NEK5: variants seen among roughly 807,000 people sequenced by gnomAD.
NEK5 encodes the protein NIMA related kinase 5.
A neutral mutation model predicts 109.2 loss-of-function variants in NEK5; 88 were observed. That is an observed-to-expected ratio of 0.81 (90% confidence interval 0.68 to 0.96). The LOEUF is 0.96. NEK5 is among the 40% of genes least tolerant of loss of function. The pLI is 0.00. For missense variants in NEK5, 834 were observed against 920.7 expected, an observed-to-expected ratio of 0.91 and a Z score of 1.22; for synonymous variants, 283 against 299.9, an observed-to-expected ratio of 0.94 and a Z score of 0.58.
intron 4 of NEK5, among the ~76,000 whole-genome samples, chr13:52,113,064 G>A (rs1955786495): frequency 6.6e-6 from 1 of 152,176 alleles, no homozygotes. Context: ...AATGAAAGGT[G>A]ATTATTTTCC....
At chr13:52,064,509 C>T (rs1954655654) in intron 21 of NEK5, among the ~76,000 whole-genome samples, 1 of 149,056 alleles carries the variant, frequency 6.7e-6, no homozygotes, top group African/African-American at 2.5e-5. Flanking sequence ...GGGGGGTCAG[C>T]CCCCCGCCTG....
chr13:52,111,910 A>G (rs560900013), intron 5 of NEK5, among the ~76,000 whole-genome samples: 3 of 152,324 alleles, frequency 2.0e-5, no homozygotes, highest in South Asian at 2.1e-4. Flanking sequence ...CAAATGGTAA[A>G]AGAGAAAACA....
At chr13:52,069,718 G>A (rs1954755197) in intron 20 of NEK5, among the ~76,000 whole-genome samples, 2 of 152,144 alleles carry the variant, frequency 1.3e-5, no homozygotes, top group African/African-American at 4.8e-5. Flanking sequence ...CCCACACTCA[G>A]TATCTATTCT....
At chr13:52,065,654 G>A in intron 20 of NEK5, 45 bp from the exon 21 acceptor site, 1 of 1,390,514 alleles carries the variant, frequency 7.2e-7, no homozygotes, top group Non-Finnish European at 1.0e-6. Context: ...CAGTCAAAGT[G>A]TGACTAATTG....
At chr13:52,086,130 G>A in intron 16 of NEK5, 147 bp downstream of exon 16, 1 of 661,402 alleles carries the variant, frequency 1.5e-6, no homozygotes, top group Non-Finnish European at 2.7e-6. Flanking sequence ...AGGTCTGACA[G>A]CTTTCCTATT....
chr13:52,047,385 T>C (rs1207366248), intron 23 of NEK5, among the ~76,000 whole-genome samples: 2 of 152,226 alleles, frequency 1.3e-5, no homozygotes, highest in Non-Finnish European at 2.9e-5. Flanking sequence ...TGCTTATATT[T>C]GTATGGAATT....
intron 3 of NEK5, among the ~76,000 whole-genome samples, chr13:52,121,895 T>C (rs553545605): frequency 3.3e-5 from 5 of 151,360 alleles, no homozygotes; most frequent in African/African-American, 4.8e-5. Context: ...TATCTGAAAA[T>C]AGAAAAAGAG....
intron 23 of NEK5, among the ~76,000 whole-genome samples, chr13:52,037,972 A>T (rs1954378522): frequency 6.6e-6 from 1 of 152,000 alleles, no homozygotes; most frequent in Non-Finnish European, 1.5e-5. Context: ...TCATAGAACC[A>T]GGAATTAAAA....
chr13:52,046,349 T>C lies in NEK5; in HGVS notation c.2228+3755A>G, dbSNP rs186641931. Reference sequence around the variant, plus strand: ...AAAAATAGCTGGGCATGGTGGTGCATGCCTATACTCCCAGCCACTCAGGAG... The same window carrying C: ...AAAAATAGCTGGGCATGGTGGTGCACGCCTATACTCCCAGCCACTCAGGAG... On this transcript the variant is annotated intron_variant, in intron 23 of 23. Transcript: ENST00000684899. Among the ~76,000 whole-genome samples, 119 of 148,708 alleles carry C rather than the reference T, an allele frequency of 8.0e-4. 1 individual carries two copies. The East Asian group carries it at 0.02, about 25-fold the overall frequency.
chr13:52,043,996 G>A (rs868483662), intron 23 of NEK5, among the ~76,000 whole-genome samples: 13 of 152,188 alleles, frequency 8.5e-5, no homozygotes, highest in African/African-American at 2.9e-4. Flanking sequence ...ATTAACATTT[G>A]AGTCAGTGGG....
At chr13:52,056,419 A>G (rs1024377682) in intron 22 of NEK5, among the ~76,000 whole-genome samples, 2 of 151,346 alleles carry the variant, frequency 1.3e-5, no homozygotes, top group African/African-American at 2.4e-5. Context: ...ATACCCAGGA[A>G]TTGAACTCAG....
At chr13:52,076,931 G>C (rs1954880524) in intron 17 of NEK5, among the ~76,000 whole-genome samples, 1 of 152,202 alleles carries the variant, frequency 6.6e-6, no homozygotes, top group South Asian at 2.1e-4. Flanking sequence ...GAGTAGGATA[G>C]GTAATAAATG....
At chr13:52,056,104 T>C (rs982048908) in intron 22 of NEK5, among the ~76,000 whole-genome samples, 1 of 151,988 alleles carries the variant, frequency 6.6e-6, no homozygotes, top group Non-Finnish European at 1.5e-5. Flanking sequence ...TGGAGGAAGA[T>C]CTACCAAGCA....
chr13:52,083,825 C>T lies in NEK5; in HGVS notation c.1480-473G>A, dbSNP rs558298985. On this transcript the variant is annotated intron_variant, in intron 16 of 23. Transcript: ENST00000684899. Reference sequence around the variant, plus strand: ...TGCTGGGATTACAGGCGTGAGCTACCGCGCCTGACCAATGTCTGCTATCCA... The same window carrying T: ...TGCTGGGATTACAGGCGTGAGCTACTGCGCCTGACCAATGTCTGCTATCCA... Among the ~76,000 whole-genome samples, 7 of 152,266 alleles carry T rather than the reference C, an allele frequency of 4.6e-5. 1 individual carries two copies. In the South Asian group the frequency reaches 6.2e-4, roughly 14 times the overall value.
intron 22 of NEK5, among the ~76,000 whole-genome samples, chr13:52,060,585 A>G (rs1303356088): frequency 6.6e-6 from 1 of 152,144 alleles, no homozygotes; most frequent in East Asian, 1.9e-4. Flanking sequence ...ACCTCAGGTG[A>G]TCCACCTGCC....
intron 19 of NEK5, among the ~76,000 whole-genome samples, chr13:52,072,467 C>T (rs1461219079): frequency 1.3e-5 from 2 of 152,292 alleles, no homozygotes; most frequent in African/African-American, 4.8e-5. Flanking sequence ...CCAAAATGAC[C>T]ACTTCTGTTT....
chr13:52,108,237 G>T, intron 8 of NEK5, 81 bp downstream of exon 8: 1 of 806,204 alleles, frequency 1.2e-6, no homozygotes, highest in Non-Finnish European at 2.1e-6. Context: ...GAAGAGATTT[G>T]AATTTTAGTT....
At position 52,110,331 on chromosome 13, in the gene NEK5, A is replaced by G; in HGVS notation, c.467+9T>C. ...GACTAGAAAGAAAAATTATTTTCAA[A>G]GTACTTACTTATTCAGGACTCTTGC... On this transcript the variant is annotated intron_variant, in intron 7 of 23. Coordinates refer to ENST00000684899, the MANE Select transcript of NEK5 (RefSeq NM_001365552.1). The G allele has an allele frequency of 1.3e-6, 2 of 1,577,670 alleles. No homozygotes were observed. Among genetic ancestry groups the G allele is most frequent in the Non-Finnish European group, 1.7e-6 (2 of 1,149,002 alleles).
intron 15 of NEK5, among the ~76,000 whole-genome samples, chr13:52,086,612 T>C (rs1374747780): frequency 2.0e-5 from 3 of 152,242 alleles, no homozygotes; most frequent in Non-Finnish European, 4.4e-5. Context: ...ACTTACTTTA[T>C]AAATCCCACT....
Sources: allele counts gnomAD v4.1 joint callset (sites outside exome capture counted in the v4.1 genomes callset), GRCh38; gene constraint gnomAD v4.1.1; transcripts MANE v1.5; gene names NCBI Gene and HGNC (gene_info 2026-07-23, HGNC 2026-07-21).